Variants in BABAM2 observed in about 807,000 individuals in gnomAD.
BABAM2 encodes the protein BRISC and BRCA1-A complex member 2.
Under a neutral mutation model 54.7 loss-of-function variants are expected in BABAM2, and 31 were observed. The ratio of observed to expected loss-of-function variants is 0.57; its 90% CI spans 0.43 to 0.77. The LOEUF is 0.77. Ranked by LOEUF, BABAM2 falls within the 30% of genes least tolerant of loss-of-function variation. The pLI is 0.00. For synonymous variants in BABAM2, 167 were observed against 162.9 expected, an observed-to-expected ratio of 1.03 and a Z score of -0.19; for missense variants, 364 against 455.8, an observed-to-expected ratio of 0.80 and a Z score of 1.83.
At chr2:28,063,882 A>G (rs1679102506) in intron 6 of BABAM2, among the ~76,000 whole-genome samples, 1 of 152,158 alleles carries the variant, frequency 6.6e-6, no homozygotes, top group Admixed American at 6.5e-5. Context: ...TTTTTTTAAG[A>G]TGAGGAAACC....
At chr2:27,931,437 G>A (rs766229877) in intron 3 of BABAM2, among the ~76,000 whole-genome samples, 1 of 151,948 alleles carries the variant, frequency 6.6e-6, no homozygotes, top group Admixed American at 6.6e-5. Context: ...TTTTGCCTCC[G>A]TTTCTTGCCT....
At chr2:28,330,103 G>A (rs1311936385) in intron 11 of BABAM2, among the ~76,000 whole-genome samples, 3 of 152,188 alleles carry the variant, frequency 2.0e-5, no homozygotes, top group Non-Finnish European at 2.9e-5. Context: ...CTCAATAGAT[G>A]CAGAAAAGGC....
chr2:28,025,972 A>C (rs2148564413), intron 5 of BABAM2, among the ~76,000 whole-genome samples: 1 of 152,346 alleles, frequency 6.6e-6, no homozygotes, highest in Admixed American at 6.5e-5. Context: ...TAAAAGCCAA[A>C]GTCCTTCCAG....
intron 10 of BABAM2, among the ~76,000 whole-genome samples, chr2:28,290,003 GT>G (rs886391580): frequency 6.6e-5 from 10 of 152,088 alleles, no homozygotes; most frequent in African/African-American, 2.4e-4. Context: ...TCCTATGCAT[GT>G]TTTTATACTT....
chr2:27,961,460 C>G (rs1670462508), intron 3 of BABAM2, among the ~76,000 whole-genome samples: 1 of 152,082 alleles, frequency 6.6e-6, no homozygotes, highest in Middle Eastern at 3.2e-3. Flanking sequence ...ATGATTTTGC[C>G]TACCTATAAG....
intron 3 of BABAM2, among the ~76,000 whole-genome samples, chr2:27,950,790 G>A (rs767880071): frequency 6.6e-6 from 1 of 151,850 alleles, no homozygotes; most frequent in Non-Finnish European, 1.5e-5. Flanking sequence ...TTTTCTTTGT[G>A]GGAAGGTTTT....
At chr2:27,998,405 T>C (rs537929767) in intron 4 of BABAM2, among the ~76,000 whole-genome samples, 2 of 152,130 alleles carry the variant, frequency 1.3e-5, no homozygotes, top group African/African-American at 4.8e-5. Flanking sequence ...ATTCACAGTT[T>C]AGTAGATTTT....
At chr2:28,324,627 C>CA (rs142164893) in intron 11 of BABAM2, among the ~76,000 whole-genome samples, 6,548 of 132,172 alleles carry the variant, frequency 0.05, 305 homozygotes, top group African/African-American at 0.13. Flanking sequence ...CCCATCTCTA[C>CA]AAAAAAAAAA....
chr2:28,069,664 A>G (rs1333938358), intron 6 of BABAM2, among the ~76,000 whole-genome samples: 2 of 152,204 alleles, frequency 1.3e-5, no homozygotes, highest in African/African-American at 4.8e-5. Flanking sequence ...CAGACACACA[A>G]TAATGTCAGT....
At chr2:27,994,455 A>G (rs1672991691) in intron 4 of BABAM2, among the ~76,000 whole-genome samples, 1 of 152,152 alleles carries the variant, frequency 6.6e-6, no homozygotes, top group South Asian at 2.1e-4. Flanking sequence ...CAGAAGCCTC[A>G]CTCATGTCCT....
At chr2:28,093,698 T>C (rs1421908422) in intron 6 of BABAM2, among the ~76,000 whole-genome samples, 1 of 152,260 alleles carries the variant, frequency 6.6e-6, no homozygotes, top group Non-Finnish European at 1.5e-5. Flanking sequence ...TGTTCACTTG[T>C]TCATTTTTAA....
intron 9 of BABAM2, among the ~76,000 whole-genome samples, chr2:28,241,892 T>C (rs1388737430): frequency 6.6e-6 from 1 of 150,704 alleles, no homozygotes; most frequent in Non-Finnish European, 1.5e-5. Context: ...TTCGGTACTC[T>C]TTGGCAAATA....
intron 10 of BABAM2, among the ~76,000 whole-genome samples, chr2:28,272,663 T>TTG (rs1447778741): frequency 2.0e-5 from 3 of 152,198 alleles, no homozygotes; most frequent in Non-Finnish European, 4.4e-5. Context: ...AAACCAACAG[T>TTG]TATTGAGCCT....
At chr2:27,983,102 G>A (rs1447648489) in intron 3 of BABAM2, among the ~76,000 whole-genome samples, 1 of 151,894 alleles carries the variant, frequency 6.6e-6, no homozygotes, top group Non-Finnish European at 1.5e-5. Context: ...TTCCTATAGT[G>A]GCTGTACCAT....
At chr2:27,909,800 A>G (rs1270934863) in intron 2 of BABAM2, among the ~76,000 whole-genome samples, 1 of 152,204 alleles carries the variant, frequency 6.6e-6, no homozygotes, top group African/African-American at 2.4e-5. Context: ...AGAGACTTAT[A>G]AAATATCACT....
chr2:28,000,975 T>C (rs1304301409), intron 4 of BABAM2, among the ~76,000 whole-genome samples: 1 of 152,184 alleles, frequency 6.6e-6, no homozygotes, highest in Non-Finnish European at 1.5e-5. Context: ...CCAGTCTTAG[T>C]ATCAGCCATT....
rs189488512 is a variant in BABAM2 at position 27,928,827 on chromosome 2, G to C, written c.129-1005G>C. On this transcript the variant is annotated intron_variant, in intron 2 of 11. Coordinates refer to ENST00000379624, the MANE Select transcript of BABAM2 (RefSeq NM_199191.3). ...AAGCCCATGCAGCTGTTATGCAGTTGAACTTATGACTTCTAAGATAAAAAT... is the reference window on the plus strand; with the variant it reads ...AAGCCCATGCAGCTGTTATGCAGTTCAACTTATGACTTCTAAGATAAAAAT... Among the ~76,000 whole-genome samples the C allele has an allele frequency of 2.8e-3, 423 of 151,760 alleles. 4 individuals carry two copies. In the Middle Eastern group the frequency reaches 0.048, roughly 17 times the overall value.
chr2:28,163,644 A>G (rs1040820412), intron 7 of BABAM2, among the ~76,000 whole-genome samples: 3 of 152,194 alleles, frequency 2.0e-5, no homozygotes, highest in African/African-American at 7.2e-5. Context: ...TGATAGAGCA[A>G]GAGAAGTTGT....
chr2:28,045,923 T>G, intron 6 of BABAM2, 124 bp downstream of exon 6: 1 of 779,624 alleles, frequency 1.3e-6, no homozygotes, highest in Non-Finnish European at 1.9e-6. Flanking sequence ...TAAAAATATT[T>G]CTTACATGAA....
Sources: allele counts gnomAD v4.1 joint callset (sites outside exome capture counted in the v4.1 genomes callset), GRCh38; gene constraint gnomAD v4.1.1; transcripts MANE v1.5; gene names NCBI Gene and HGNC (gene_info 2026-07-23, HGNC 2026-07-21).